FGF13: variants seen among roughly 807,000 people sequenced by gnomAD.
FGF13 encodes fibroblast growth factor 13.
Under a neutral mutation model 19.5 loss-of-function variants are expected in FGF13, and 2 were observed. The ratio of observed to expected loss-of-function variants is 0.10; its 90% CI spans 0.04 to 0.32. FGF13 has a LOEUF of 0.32. Among genes scored for constraint, FGF13 ranks in the 10% least tolerant of loss-of-function variants. FGF13 has a pLI of 1.00. For synonymous variants in FGF13, 72 were observed against 76.9 expected, an observed-to-expected ratio of 0.94 and a Z score of 0.33; for missense variants, 113 against 192.7, an observed-to-expected ratio of 0.59 and a Z score of 2.45.
At chrX:138,696,220 T>A (rs2089893773) in intron 3 of FGF13, among the ~76,000 whole-genome samples, 1 of 112,224 alleles carries the variant, frequency 8.9e-6, no homozygotes, top group Non-Finnish European at 1.9e-5. Flanking sequence ...TTATGCTAAG[T>A]GAAAGGAGAC....
chrX:138,977,142 A>T (rs1195635921), intron 1 of FGF13, among the ~76,000 whole-genome samples: 1 of 111,972 alleles, frequency 8.9e-6, no homozygotes, highest in East Asian at 2.8e-4. Context: ...CTTTGTTCAC[A>T]TGATGAACAC....
At chrX:138,775,041 C>T (rs755563960) in intron 3 of FGF13, among the ~76,000 whole-genome samples, 20 of 112,484 alleles carry the variant, frequency 1.8e-4, no homozygotes, top group Non-Finnish European at 3.2e-4. Flanking sequence ...CTCACTGCAA[C>T]CTCCACCTCC....
At chrX:139,059,063 T>G (rs974160117) in intron 1 of FGF13, among the ~76,000 whole-genome samples, 4 of 111,706 alleles carry the variant, frequency 3.6e-5, no homozygotes, top group Admixed American at 9.5e-5. Context: ...AAAAGTCTTT[T>G]AGTATCACTT....
At chrX:138,955,578 T>C (rs1288776141) in intron 1 of FGF13, among the ~76,000 whole-genome samples, 1 of 112,103 alleles carries the variant, frequency 8.9e-6, no homozygotes, top group Non-Finnish European at 1.9e-5. Context: ...ATGATTCAAA[T>C]TCATGTCCGA....
At chrX:138,884,811 C>CT (rs2124185917) in intron 1 of FGF13, among the ~76,000 whole-genome samples, 1 of 111,798 alleles carries the variant, frequency 8.9e-6, no homozygotes, top group South Asian at 3.8e-4. Flanking sequence ...CTAATGGGAC[C>CT]TTCCTGTGGA....
intron 1 of FGF13, among the ~76,000 whole-genome samples, chrX:138,959,233 A>T (rs1189438155): frequency 1.8e-5 from 2 of 111,468 alleles, no homozygotes; most frequent in Non-Finnish European, 3.8e-5. Context: ...CCTTGTTCTC[A>T]CTGGTTCGAA....
chrX:138,765,872 C>T (rs998722612), intron 3 of FGF13, among the ~76,000 whole-genome samples: 1 of 111,723 alleles, frequency 9.0e-6, no homozygotes, highest in Admixed American at 9.5e-5. Context: ...TTTCAGTTCT[C>T]GAATGTTCCA....
chrX:138,915,078 G>A (rs2091611449), intron 1 of FGF13, among the ~76,000 whole-genome samples: 2 of 110,429 alleles, frequency 1.8e-5, no homozygotes, highest in African/African-American at 3.4e-5. Flanking sequence ...ACTGATAGCA[G>A]TTAGTGAATG....
intron 3 of FGF13, among the ~76,000 whole-genome samples, chrX:138,660,664 A>AC (rs1457007352): frequency 3.6e-5 from 4 of 111,095 alleles, no homozygotes; most frequent in African/African-American, 1.3e-4. Context: ...ATTATTGGTG[A>AC]CAGTAGTCAC....
At chrX:139,063,157 C>CAGCA (rs1315333638) in intron 1 of FGF13, among the ~76,000 whole-genome samples, 1 of 111,603 alleles carries the variant, frequency 9.0e-6, no homozygotes, top group African/African-American at 3.3e-5. Flanking sequence ...AGATGAGAGA[C>CAGCA]AGCAGTGCAT....
intron 1 of FGF13, among the ~76,000 whole-genome samples, chrX:139,048,027 AT>A (rs34162683): frequency 0.042 from 4,675 of 110,391 alleles, 122 homozygotes; most frequent in East Asian, 0.13. Context: ...ATCTGTAGAG[AT>A]TTTTTTTCTT....
At chrX:139,002,878 C>A (rs1232021461) in intron 1 of FGF13, among the ~76,000 whole-genome samples, 4 of 111,833 alleles carry the variant, frequency 3.6e-5, no homozygotes, top group African/African-American at 1.3e-4. Flanking sequence ...AGTAGTGATA[C>A]CCAGGAAGTA....
chrX:138,686,740 C>G (rs2089786847), intron 3 of FGF13, among the ~76,000 whole-genome samples: 1 of 111,515 alleles, frequency 9.0e-6, no homozygotes, highest in South Asian at 3.7e-4. Context: ...CTCAAACAAA[C>G]TGTGTAAATG....
At chrX:138,833,076 A>G (rs1163847901) in intron 3 of FGF13, among the ~76,000 whole-genome samples, 3 of 112,145 alleles carry the variant, frequency 2.7e-5, no homozygotes, top group African/African-American at 9.7e-5. Flanking sequence ...CCTGTAGTAT[A>G]TAGCTTGAAG....
chrX:138,961,923 C>T (rs184024259), intron 1 of FGF13, among the ~76,000 whole-genome samples: 1 of 111,739 alleles, frequency 8.9e-6, no homozygotes, highest in East Asian at 2.8e-4. Flanking sequence ...CCATTCAGGA[C>T]ATAGGCATGG....
chrX:138,798,395 C>G (rs1009719843), intron 3 of FGF13, among the ~76,000 whole-genome samples: 11 of 112,182 alleles, frequency 9.8e-5, no homozygotes, highest in African/African-American at 3.6e-4. Flanking sequence ...ACCTGCCTCG[C>G]ATCCCAGGGA....
At position 138,644,273 on chromosome X, in the gene FGF13, A is replaced by AT. The variant is rs956683325; in HGVS notation, c.403-8619dup. Among the ~76,000 whole-genome samples the AT allele has an allele frequency of 3.4e-4, 37 of 107,756 alleles. No homozygotes were observed. In the East Asian group the frequency reaches 7.6e-3, roughly 22 times the overall value. The allele number at this position is 107,756 out of a possible 115,157, so 93.6% of individuals were successfully genotyped here. A position where few individuals can be genotyped will look rare whatever the true frequency, so the allele number is the denominator to read the frequency against. On this transcript the variant is annotated intron_variant, in intron 3 of 4. Transcript: ENST00000315930. ...GCATATTATATTCTTGTACCTCAGG[A>AT]TTTTTTTTTTCTTTTCTTTTTTGAG...
intron 2 of FGF13, among the ~76,000 whole-genome samples, chrX:138,703,610 C>A (rs907948049): frequency 8.9e-6 from 1 of 112,478 alleles, no homozygotes; most frequent in Non-Finnish European, 1.9e-5. Context: ...CCAATGCCCT[C>A]ATCTAAATTA....
chrX:138,723,617 C>G (rs2124277098), intron 1 of FGF13, among the ~76,000 whole-genome samples: 1 of 111,256 alleles, frequency 9.0e-6, no homozygotes, highest in South Asian at 3.8e-4. Context: ...TTTAACACTT[C>G]AATTCTGTTC....
Sources: allele counts gnomAD v4.1 joint callset (sites outside exome capture counted in the v4.1 genomes callset), GRCh38; gene constraint gnomAD v4.1.1; transcripts MANE v1.5; gene names NCBI Gene and HGNC (gene_info 2026-07-23, HGNC 2026-07-21).